ABCG2: variants seen among roughly 807,000 people sequenced by gnomAD.
The protein encoded by ABCG2 is ATP binding cassette subfamily G member 2 (JR blood group), also known as broad substrate specificity ATP-binding cassette transporter ABCG2.
In ABCG2, 80 loss-of-function variants were observed where a neutral mutation model predicts 73.5. That is an observed-to-expected ratio of 1.09 (90% CI 0.91 to 1.31). The LOEUF is 1.31. Among genes scored for constraint, ABCG2 ranks in the 50% most tolerant of loss-of-function variants. The pLI, the probability that ABCG2 is intolerant of heterozygous loss-of-function variation, is 0.00. For synonymous variants in ABCG2, 269 were observed against 282.4 expected, an observed-to-expected ratio of 0.95 and a Z score of 0.48; for missense variants, 796 against 786.2, an observed-to-expected ratio of 1.01 and a Z score of -0.15.
At chr4:88,170,890 T>A (rs1727730076) in intron 1 of ABCG2, among the ~76,000 whole-genome samples, 1 of 152,178 alleles carries the variant, frequency 6.6e-6, no homozygotes, top group South Asian at 2.1e-4. Flanking sequence ...GGTATATATG[T>A]ATATACCATG....
intron 6 of ABCG2, 96 bp downstream of exon 6, chr4:88,121,539 T>A: frequency 8.5e-7 from 1 of 1,171,186 alleles, no homozygotes; most frequent in Non-Finnish European, 1.2e-6. Context: ...GAGGAAGAAA[T>A]TACTTTGATC....
chr4:88,119,934 G>C (rs1410889784), intron 6 of ABCG2, among the ~76,000 whole-genome samples: 2 of 152,138 alleles, frequency 1.3e-5, no homozygotes, highest in East Asian at 1.9e-4. Flanking sequence ...AAGTAATAGG[G>C]AACCAAATGT....
At chr4:88,192,180 C>G (rs1315621890) in intron 1 of ABCG2, among the ~76,000 whole-genome samples, 1 of 41,120 alleles carries the variant, frequency 2.4e-5, no homozygotes, top group African/African-American at 1.2e-4. Context: ...AACTCTGTGT[C>G]AAGAAAAAAA....
At chr4:88,160,578 G>T (rs536384265), upstream of ABCG2, among the ~76,000 whole-genome samples, 1 of 152,074 alleles carries the variant, frequency 6.6e-6, no homozygotes, top group Non-Finnish European at 1.5e-5. Context: ...GGCCAGGCAC[G>T]GTGGCTCACG....
At chr4:88,158,650 T>G (rs747638156), upstream of ABCG2, 4 of 456,038 alleles carry the variant, frequency 8.8e-6, no homozygotes, top group Non-Finnish European at 8.8e-6. Flanking sequence ...GCCTCTTCCC[T>G]CCTGCGCGCC....
intron 1 of ABCG2, among the ~76,000 whole-genome samples, chr4:88,218,615 A>T (rs1056380964): frequency 3.9e-5 from 6 of 152,096 alleles, no homozygotes; most frequent in African/African-American, 1.4e-4. Flanking sequence ...CTTTCCCCTG[A>T]GTCCCCAAAG....
intron 1 of ABCG2, among the ~76,000 whole-genome samples, chr4:88,201,513 GA>G (rs1729162748): frequency 2.0e-5 from 3 of 152,134 alleles, no homozygotes. Context: ...TTCCAAAACA[GA>G]AAGTCCCTAG....
chr4:88,121,397 C>T (rs554400002), intron 6 of ABCG2, among the ~76,000 whole-genome samples: 1 of 152,204 alleles, frequency 6.6e-6, no homozygotes, highest in East Asian at 1.9e-4. Context: ...AGTAAAGAAG[C>T]TAAAGAGACA....
At chr4:88,125,851 C>T (rs1171569568) in intron 5 of ABCG2, among the ~76,000 whole-genome samples, 3 of 151,852 alleles carry the variant, frequency 2.0e-5, no homozygotes, top group Non-Finnish European at 2.9e-5. Flanking sequence ...AATCGACACC[C>T]TAACATCACA....
chr4:88,163,897 C>T (rs190591812), upstream of ABCG2: 243 of 165,278 alleles, frequency 1.5e-3, 1 homozygote, highest in African/African-American at 5.5e-3. Flanking sequence ...TATTTTGTTA[C>T]ATTCCTGGTT....
At chr4:88,208,358 A>C (rs922361765) in intron 1 of ABCG2, among the ~76,000 whole-genome samples, 1 of 152,168 alleles carries the variant, frequency 6.6e-6, no homozygotes, top group Admixed American at 6.6e-5. Context: ...AAGCTTCCTC[A>C]AGCTCTCGCC....
chr4:88,170,346 G>A (rs773589188), intron 1 of ABCG2, among the ~76,000 whole-genome samples: 1 of 152,014 alleles, frequency 6.6e-6, no homozygotes, highest in African/African-American at 2.4e-5. Flanking sequence ...TCACTTATCT[G>A]GTCATATATT....
At position 88,121,653 on chromosome 4, in the gene ABCG2, A is replaced by T. The variant is rs1171324253; in HGVS notation, c.671T>A (p.Val224Asp). 3 of 1,613,670 alleles carry T rather than the reference A, an allele frequency of 1.9e-6. No homozygotes were observed. In the African/African-American group the frequency reaches 4.0e-5, roughly 22 times the overall value. The change falls in exon 6 of 16, where the codon GTC (valine) becomes GAC (aspartate). Residue 224 changes from valine to aspartate, a missense_variant. Val to Asp is a radical substitution (Grantham distance 152). Transcript: ENST00000237612. ...CATTTACCTTTTCAGGAGCAAAAGG[A>T]CAGCATTTGCTGTGCTTGAGTCTAA... ...TGLDSSTANA[V>D]LLLLKRMSKQ...
rs12721643 is a variant in ABCG2 at position 88,121,708 on chromosome 4, T to C, written c.616A>G (p.Ile206Val). ...IGMELITDPS[I>V]LFLDEPTTGL... ...GTTGTAGGCTCATCCAAGAACAAGA[T>C]GGAAGGATCAGTGATAAGCTCCATT... The change falls in exon 6 of 16, where the codon ATC becomes GTC. Residue 206 changes from isoleucine (I) to valine (V), a missense_variant. Physicochemically the swap from Ile to Val is conservative, Grantham distance 29. Transcript: ENST00000237612. 3.7e-6 allele frequency: 6 copies of C among 1,614,138 alleles called. No individual in the cohort carries two copies. In the South Asian group the frequency reaches 4.4e-5, roughly 12 times the overall value.
rs142634180 is a variant in ABCG2, at chr4:88,139,862, C to T, written c.134G>A (p.Arg45Gln). The T allele has an allele frequency of 1.9e-5, 31 of 1,614,014 alleles. No homozygotes were observed. The highest frequency in any genetic ancestry group is 6.7e-5 in the Admixed American group (4 of 59,988). ...TAGAAAGCCACTCTTCAGTTTTACT[C>T]GATAGCAGATGTTATGAAAACTTAA... is the stretch of plus-strand genomic sequence containing the variant. ...AVLSFHNICY[R>Q]VKLKSGFLPC... The change falls in exon 2 of 16, where the codon CGA (arginine) becomes CAA (glutamine). Residue 45 changes from arginine to glutamine, a missense_variant. Coordinates refer to ENST00000237612, the MANE Select transcript of ABCG2 (RefSeq NM_004827.3).
chr4:88,222,309 T>C (rs761480039), intron 1 of ABCG2, among the ~76,000 whole-genome samples: 1 of 152,220 alleles, frequency 6.6e-6, no homozygotes, highest in Non-Finnish European at 1.5e-5. Flanking sequence ...AGAGCCTTCA[T>C]GGAGAACCTC....
chr4:88,122,970 A>AG (rs1724115681), intron 5 of ABCG2, among the ~76,000 whole-genome samples: 2 of 152,162 alleles, frequency 1.3e-5, no homozygotes. Flanking sequence ...GAGAAAAAAA[A>AG]CAGGCAGCAA....
At chr4:88,115,621 CAAA>C (rs34465562) in intron 7 of ABCG2, among the ~76,000 whole-genome samples, 68 of 107,904 alleles carry the variant, frequency 6.3e-4, no homozygotes, top group African/African-American at 1.5e-3. Context: ...GTCTCTGGGC[CAAA>C]AAAAAAAAAA....
intron 9 of ABCG2, among the ~76,000 whole-genome samples, chr4:88,107,613 G>C (rs916773649): frequency 2.6e-5 from 4 of 152,180 alleles, no homozygotes; most frequent in Non-Finnish European, 5.9e-5. Context: ...GCAGAGCAAT[G>C]CAAGTATGTA....
Sources: allele counts gnomAD v4.1 joint callset (sites outside exome capture counted in the v4.1 genomes callset), GRCh38; gene constraint gnomAD v4.1.1; transcripts MANE v1.5; gene names NCBI Gene and HGNC (gene_info 2026-07-23, HGNC 2026-07-21).